TNRC6B: variants seen among roughly 807,000 people sequenced by gnomAD.
The protein encoded by TNRC6B is trinucleotide repeat-containing gene 6B protein.
A neutral mutation model predicts 203.6 loss-of-function variants in TNRC6B; 52 were observed. The observed-to-expected ratio is 0.26, with a 90% CI of 0.20 to 0.32. The LOEUF is 0.32. TNRC6B is among the 10% of genes least tolerant of loss of function. TNRC6B has a pLI of 1.00. For missense variants in TNRC6B, 1,923 were observed against 2,286.2 expected, an observed-to-expected ratio of 0.84 and a Z score of 3.24; for synonymous variants, 838 against 845.7, an observed-to-expected ratio of 0.99 and a Z score of 0.16.
At chr22:40,256,738 TC>T (rs1165813965) in intron 3 of TNRC6B, among the ~76,000 whole-genome samples, 7 of 151,706 alleles carry the variant, frequency 4.6e-5, no homozygotes, top group Non-Finnish European at 1.0e-4. Context: ...AGTTTGCTGA[TC>T]CCCCCTGATC....
intron 6 of TNRC6B, 118 bp downstream of exon 6, chr22:40,270,398 C>T (rs1274852764): frequency 3.9e-6 from 4 of 1,016,898 alleles, no homozygotes; most frequent in Middle Eastern, 3.5e-4. Context: ...CGGCTCACTG[C>T]AACCTCTGCT....
chr22:40,217,396 G>T (rs1413659498), intron 1 of TNRC6B, among the ~76,000 whole-genome samples: 1 of 152,154 alleles, frequency 6.6e-6, no homozygotes, highest in Non-Finnish European at 1.5e-5. Flanking sequence ...TGAGTGGCCT[G>T]CCCAGGTCTC....
intron 6 of TNRC6B, among the ~76,000 whole-genome samples, chr22:40,272,076 G>T (rs1212580638): frequency 1.3e-5 from 2 of 152,156 alleles, no homozygotes. Flanking sequence ...TTTAGCTCGT[G>T]TTGCTTGTCA....
At chr22:40,077,441 G>T (rs570132814) in intron 1 of TNRC6B, among the ~76,000 whole-genome samples, 1 of 152,228 alleles carries the variant, frequency 6.6e-6, no homozygotes, top group South Asian at 2.1e-4. Context: ...CTTCATCGTG[G>T]CCTGAAGCAG....
intron 15 of TNRC6B, among the ~76,000 whole-genome samples, chr22:40,301,895 C>T (rs1601505849): frequency 6.6e-6 from 1 of 152,136 alleles, no homozygotes. Context: ...CTCCTACCGC[C>T]GGGAATTTTT....
intron 1 of TNRC6B, among the ~76,000 whole-genome samples, chr22:40,095,231 C>A (rs1051995411): frequency 6.6e-6 from 1 of 152,186 alleles, no homozygotes; most frequent in African/African-American, 2.4e-5. Context: ...GAATATCCAA[C>A]TTTGCTTTAA....
At chr22:40,313,070 G>A in intron 19 of TNRC6B, 73 bp downstream of exon 19, 1 of 1,189,964 alleles carries the variant, frequency 8.4e-7, no homozygotes, top group South Asian at 1.3e-5. Flanking sequence ...AAGGAAACTG[G>A]CATGTATTTC....
In TNRC6B at chr22:40,149,397, G is replaced by A. The variant is rs116625399; in HGVS notation, c.46-6718G>A. ...AGCTTAAAGAGGGATGACTGGGTGC[G>A]GTGGCTCACACTTGTAATCCCAGCA... is the stretch of plus-strand genomic sequence containing the variant. On this transcript the variant is annotated intron_variant, in intron 3 of 23. Coordinates refer to the TNRC6B transcript ENST00000301923. Among the ~76,000 whole-genome samples, 695 of 152,252 alleles carry A rather than the reference G, an allele frequency of 4.6e-3. 4 individuals are homozygous for A. The highest frequency in any genetic ancestry group is 0.015 in the African/African-American group (642 of 41,552).
At chr22:40,134,010 G>A (rs968779915) in intron 3 of TNRC6B, among the ~76,000 whole-genome samples, 6 of 147,146 alleles carry the variant, frequency 4.1e-5, no homozygotes, top group African/African-American at 1.0e-4. Flanking sequence ...GGTAATATGC[G>A]ATGGGAGATG....
At chr22:40,245,406 T>A (rs560023672) in intron 1 of TNRC6B, among the ~76,000 whole-genome samples, 17 of 152,030 alleles carry the variant, frequency 1.1e-4, no homozygotes, top group Admixed American at 4.6e-4. Flanking sequence ...TACATTGATT[T>A]ATAGGACACT....
chr22:40,119,204 T>C (rs1388335348), intron 2 of TNRC6B, among the ~76,000 whole-genome samples: 1 of 152,228 alleles, frequency 6.6e-6, no homozygotes, highest in Non-Finnish European at 1.5e-5. Flanking sequence ...GCAAGCACTG[T>C]GCCAGGTCAA....
chr22:40,270,276 G>A lies in TNRC6B; in HGVS notation c.2961G>A (p.Lys987=), dbSNP rs2070542308. Residue 987 remains lysine (K), a synonymous_variant, in exon 6 of 23, where the codon AAG becomes AAA. Transcript: ENST00000454349. ...NTPANAPNAM[K]PNSKSMQDGW... ...CCGCCAACGCTCCCAATGCCATGAAGCCTAGTAAGTGTGAAGCTTTTCATT... is the reference window on the plus strand; with the variant it reads ...CCGCCAACGCTCCCAATGCCATGAAACCTAGTAAGTGTGAAGCTTTTCATT... 7.0e-7 allele frequency: 1 copy of A among 1,420,116 alleles called. No individual in the cohort carries two copies. The highest frequency in any genetic ancestry group is 9.2e-7 in the Non-Finnish European group (1 of 1,082,982). 88.0% of individuals were successfully genotyped at this position (1,420,116 alleles called of 1,614,324 possible).
intron 1 of TNRC6B, among the ~76,000 whole-genome samples, chr22:40,065,686 G>T (rs2067889382): frequency 6.6e-6 from 1 of 152,070 alleles, no homozygotes; most frequent in Non-Finnish European, 1.5e-5. Context: ...ATATTATTGA[G>T]CTTTGTTCTG....
At chr22:40,074,155 C>T (rs1302370885) in intron 1 of TNRC6B, among the ~76,000 whole-genome samples, 1 of 150,174 alleles carries the variant, frequency 6.7e-6, no homozygotes, top group East Asian at 1.9e-4. Context: ...TTGCTTGAAC[C>T]TGTGTGACAG....
intron 3 of TNRC6B, among the ~76,000 whole-genome samples, chr22:40,151,665 C>T (rs1056774351): frequency 2.0e-5 from 3 of 150,146 alleles, no homozygotes; most frequent in Non-Finnish European, 3.0e-5. Flanking sequence ...ATTCAAAGAA[C>T]GAGGAAGAGC....
chr22:40,332,411 C>G lies in TNRC6B; in HGVS notation c.*9170C>G, dbSNP rs191392826. On this transcript the variant is annotated 3_prime_UTR_variant, in exon 23 of 23. Transcript: ENST00000454349. Reference sequence around the variant, plus strand: ...GCATGCAGCCTCTTCTTTGTCCTAACAATTCCTTTGTTGATCTTGCCTGTG... The same window carrying G: ...GCATGCAGCCTCTTCTTTGTCCTAAGAATTCCTTTGTTGATCTTGCCTGTG... 5 of 152,792 alleles carry G rather than the reference C, an allele frequency of 3.3e-5. No homozygotes were observed. The highest frequency in any genetic ancestry group is 6.5e-5 in the Admixed American group (1 of 15,302). 9.5% of individuals were successfully genotyped at this position (152,792 alleles called of 1,614,324 possible).
At chr22:40,100,246 C>T (rs964991222) in intron 1 of TNRC6B, among the ~76,000 whole-genome samples, 3 of 151,808 alleles carry the variant, frequency 2.0e-5, no homozygotes, top group Non-Finnish European at 4.4e-5. Context: ...GCCACCACAC[C>T]CAGCTAATTT....
chr22:40,193,036 A>C (rs2069293361), intron 1 of TNRC6B, among the ~76,000 whole-genome samples: 1 of 152,166 alleles, frequency 6.6e-6, no homozygotes, highest in African/African-American at 2.4e-5. Flanking sequence ...CCGAAAAGGA[A>C]GGATTTTAGG....
At chr22:40,184,787 C>T (rs954604296) in intron 1 of TNRC6B, among the ~76,000 whole-genome samples, 24 of 152,054 alleles carry the variant, frequency 1.6e-4, no homozygotes, top group African/African-American at 5.6e-4. Flanking sequence ...AAAATAACAC[C>T]TGTGTCTCTG....
Sources: gnomAD v4.1 joint callset for allele counts (sites outside exome capture counted in the v4.1 genomes callset) on GRCh38, gnomAD v4.1.1 for gene constraint, MANE v1.5 for transcripts, NCBI Gene and HGNC (gene_info 2026-07-23, HGNC 2026-07-21) for gene names.